Variants in CENPE observed in about 807,000 individuals in gnomAD.
The protein encoded by CENPE is centromere-associated protein E.
In CENPE, 145 loss-of-function variants were observed where a neutral mutation model predicts 336.1. That is an observed-to-expected ratio of 0.43 (90% CI 0.38 to 0.50). CENPE has a LOEUF of 0.50. CENPE is among the 20% of genes least tolerant of loss of function. The pLI is 0.00. For synonymous variants in CENPE, 1,013 were observed against 984.8 expected, an observed-to-expected ratio of 1.03 and a Z score of -0.54; for missense variants, 2,719 against 3,023.3, an observed-to-expected ratio of 0.90 and a Z score of 2.36.
At chr4:103,157,239 A>G (rs1009453976) in intron 24 of CENPE, among the ~76,000 whole-genome samples, 5 of 152,044 alleles carry the variant, frequency 3.3e-5, no homozygotes, top group African/African-American at 9.7e-5. Context: ...ACTTCTGGAT[A>G]TATATATCCA....
chr4:103,126,410 T>C lies in CENPE; in HGVS notation c.6925-3321A>G, dbSNP rs142129346. On this transcript the variant is annotated intron_variant, in intron 42 of 48. Coordinates refer to ENST00000265148, the MANE Select transcript of CENPE (RefSeq NM_001813.3). ...AGTTTCAGCTGGCTCTTGCCTTCCA[T>C]GTGAAGGCAGGGAAATATACTCCGC... Among the ~76,000 whole-genome samples the C allele has an allele frequency of 5.4e-4, 82 of 152,266 alleles. 2 individuals are homozygous for C. In the East Asian group the frequency reaches 6.2e-3, roughly 11 times the overall value.
At chr4:103,166,427 T>C (rs1754926894) in intron 16 of CENPE, among the ~76,000 whole-genome samples, 1 of 152,362 alleles carries the variant, frequency 6.6e-6, no homozygotes, top group Non-Finnish European at 1.5e-5. Flanking sequence ...TAAAGTCCAA[T>C]GGTTTTGTCA....
At chr4:103,166,272 G>A (rs1754911610) in intron 16 of CENPE, among the ~76,000 whole-genome samples, 1 of 152,126 alleles carries the variant, frequency 6.6e-6, no homozygotes, top group East Asian at 1.9e-4. Flanking sequence ...CCAAGGCCTT[G>A]GCAACAATTC....
At chr4:103,137,215 T>C (rs1752145325) in intron 39 of CENPE, among the ~76,000 whole-genome samples, 1 of 152,100 alleles carries the variant, frequency 6.6e-6, no homozygotes, top group Non-Finnish European at 1.5e-5. Flanking sequence ...TCCTTGTTTA[T>C]GAATGGAGCA....
intron 43 of CENPE, 140 bp from the exon 44 acceptor site, chr4:103,120,473 C>T (rs1240235101): frequency 1.6e-6 from 1 of 638,998 alleles, no homozygotes; most frequent in Non-Finnish European, 2.6e-6. Flanking sequence ...AGAGGCCAAA[C>T]ATCATTCAAT....
chr4:103,143,976 G>A (rs971463418), intron 33 of CENPE, among the ~76,000 whole-genome samples: 2 of 151,024 alleles, frequency 1.3e-5, no homozygotes, highest in African/African-American at 2.4e-5. Context: ...TTGCTCTGTC[G>A]CCCAGGCTGG....
chr4:103,177,606 G>A (rs1199302878), intron 13 of CENPE, among the ~76,000 whole-genome samples: 2 of 151,992 alleles, frequency 1.3e-5, no homozygotes, highest in Admixed American at 6.5e-5. Flanking sequence ...GATGAGTTGG[G>A]TGCCCAACAA....
intron 16 of CENPE, among the ~76,000 whole-genome samples, chr4:103,165,597 T>G (rs918939953): frequency 6.6e-6 from 1 of 152,226 alleles, no homozygotes; most frequent in South Asian, 2.1e-4. Flanking sequence ...ACTTATATTT[T>G]TAGTTTAACA....
Position 103,158,716 on chromosome 4 carries a change from T to C in CENPE, c.2772A>G (p.Val924=), listed in dbSNP as rs372823794. 6 of 1,612,996 alleles carry C rather than the reference T, an allele frequency of 3.7e-6. No individual in the cohort carries two copies. The highest frequency in any genetic ancestry group is 4.5e-5 in the East Asian group (2 of 44,838). ...CATCTTTTTCTTGAGTTAAAGTTTT[T>C]ACTTCTTCTAAAGTTTGCTGCAGTT... is the stretch of plus-strand genomic sequence containing the variant. ...TEKLQQTLEE[V]KTLTQEKDDL... Residue 924 remains valine, a synonymous_variant, in exon 23 of 49, where the codon GTA becomes GTG. Transcript: ENST00000265148.
chr4:103,130,724 G>T (rs193053159), intron 42 of CENPE, among the ~76,000 whole-genome samples: 1 of 152,054 alleles, frequency 6.6e-6, no homozygotes, highest in African/African-American at 2.4e-5. Context: ...CGACGTCAGA[G>T]AACTGATGTT....
chr4:103,192,887 T>C (rs1339038816), intron 8 of CENPE, among the ~76,000 whole-genome samples: 1 of 151,762 alleles, frequency 6.6e-6, no homozygotes, highest in Non-Finnish European at 1.5e-5. Flanking sequence ...AGAACTTGAG[T>C]AAGAAACGTC....
chr4:103,124,052 T>C (rs918815111), intron 42 of CENPE, among the ~76,000 whole-genome samples: 2 of 152,212 alleles, frequency 1.3e-5, no homozygotes, highest in Non-Finnish European at 2.9e-5. Context: ...TTATTAGCTG[T>C]TGTTACTAAT....
chr4:103,178,887 C>G (rs1233126618), intron 13 of CENPE, among the ~76,000 whole-genome samples: 1 of 152,142 alleles, frequency 6.6e-6, no homozygotes, highest in Non-Finnish European at 1.5e-5. Flanking sequence ...CAACATGCAA[C>G]CAGAACAAAC....
At chr4:103,154,007 C>A (rs1022687228) in intron 24 of CENPE, among the ~76,000 whole-genome samples, 1 of 151,970 alleles carries the variant, frequency 6.6e-6, no homozygotes, top group South Asian at 2.1e-4. Context: ...TAAGTCACGA[C>A]CAAATGTAAC....
chr4:103,127,990 A>G (rs1189162370), intron 42 of CENPE, among the ~76,000 whole-genome samples: 1 of 152,184 alleles, frequency 6.6e-6, no homozygotes, highest in Admixed American at 6.5e-5. Flanking sequence ...GTCAAAGCAG[A>G]TCAAAAAATA....
At position 103,174,652 on chromosome 4, in the gene CENPE, A is replaced by T. The variant is rs545469171; in HGVS notation, c.1647+84T>A. 6.4e-4 allele frequency: 649 copies of T among 1,019,864 alleles called. 4 individuals are homozygous for T. The South Asian group carries it at 0.011, about 18-fold the overall frequency. 63.2% of individuals were successfully genotyped at this position (1,019,864 alleles called of 1,614,324 possible). On this transcript the variant is annotated intron_variant, in intron 16 of 48. Transcript: ENST00000265148. ...GTTATCTGTACATTTAAAAAAAATTAAAAAAGCTTACATTATAGAAAAAAG... is the reference window on the plus strand; with the variant it reads ...GTTATCTGTACATTTAAAAAAAATTTAAAAAGCTTACATTATAGAAAAAAG...
At chr4:103,131,144 G>C (rs904814654) in intron 42 of CENPE, among the ~76,000 whole-genome samples, 6 of 152,046 alleles carry the variant, frequency 3.9e-5, no homozygotes, top group Non-Finnish European at 8.8e-5. Context: ...AATGCCAAGG[G>C]AGTGAGAAGA....
At chr4:103,177,853 A>G (rs1756007924) in intron 13 of CENPE, among the ~76,000 whole-genome samples, 1 of 151,892 alleles carries the variant, frequency 6.6e-6, no homozygotes, top group Non-Finnish European at 1.5e-5. Context: ...CTCGACTCCA[A>G]TAACCTTCAG....
intron 35 of CENPE, 58 bp downstream of exon 35, chr4:103,141,692 A>G: frequency 2.4e-6 from 3 of 1,268,798 alleles, no homozygotes; most frequent in African/African-American, 1.5e-5. Flanking sequence ...TATATCCCCA[A>G]CAATTTTAGG....
Sources: gnomAD v4.1 joint callset for allele counts (sites outside exome capture counted in the v4.1 genomes callset) on GRCh38, gnomAD v4.1.1 for gene constraint, MANE v1.5 for transcripts, NCBI Gene and HGNC (gene_info 2026-07-23, HGNC 2026-07-21) for gene names.